The following ANK3 variants were observed in gnomAD, a reference collection of about 807,000 sequenced individuals.
ANK3 encodes ankyrin 3.
ANK3 carries 57 observed loss-of-function variants against 370.9 expected under a neutral mutation model. The observed-to-expected ratio is 0.15, with a 90% CI of 0.12 to 0.19. ANK3 has a LOEUF of 0.19. Among genes scored for constraint, ANK3 ranks in the 10% least tolerant of loss-of-function variants. The pLI is 1.00. For missense variants in ANK3, 4,439 were observed against 5,302.1 expected, an observed-to-expected ratio of 0.84 and a Z score of 5.06; for synonymous variants, 1,929 against 1,946.3, an observed-to-expected ratio of 0.99 and a Z score of 0.23.
intron 2 of ANK3, among the ~76,000 whole-genome samples, chr10:60,418,170 A>G (rs2063707784): frequency 6.6e-6 from 1 of 152,128 alleles, no homozygotes; most frequent in Non-Finnish European, 1.5e-5. Context: ...GCCTCCTGAT[A>G]TGCACTGTCC....
rs140815715 is a variant in ANK3 at position 60,368,310 on chromosome 10, C to G, written c.114+21115G>C. On this transcript the variant is annotated intron_variant, in intron 1 of 43. Coordinates refer to ENST00000280772, the MANE Select transcript of ANK3 (RefSeq NM_020987.5). ...CTACCATGAGATCCAAATGACGGAG[C>G]TTCACATTTCATGCAACGGCACATA... Among the ~76,000 whole-genome samples, 363 of 152,104 alleles carry G rather than the reference C, an allele frequency of 2.4e-3. 3 individuals are homozygous for G. The highest frequency in any genetic ancestry group is 0.02 in the Middle Eastern group (6 of 294).
rs767114970 is a variant in ANK3, at chr10:60,042,686, C to T, written c.*5G>A. The T allele has an allele frequency of 6.8e-6, 11 of 1,613,892 alleles. No homozygotes were observed. Among genetic ancestry groups the T allele is most frequent in the African/African-American group, 4.0e-5 (3 of 74,916 alleles). On this transcript the variant is annotated 3_prime_UTR_variant, in exon 43 of 44. Transcript: ENST00000280772. ...ACACACCTCACCTTGACTGACCGTTCGCTGTTACGAGTGGCTCTTCTTTTC... is the reference window on the plus strand; with the variant it reads ...ACACACCTCACCTTGACTGACCGTTTGCTGTTACGAGTGGCTCTTCTTTTC...
At chr10:60,096,090 T>C (rs112744953) in intron 28 of ANK3, among the ~76,000 whole-genome samples, 5,627 of 152,122 alleles carry the variant, frequency 0.037, 166 homozygotes, top group Non-Finnish European at 0.058. Context: ...GGAGAATCAC[T>C]AGAACCCGGG....
chr10:60,339,513 T>A (rs10821730), intron 1 of ANK3, among the ~76,000 whole-genome samples: 106,178 of 152,074 alleles, frequency 0.7, 38,332 homozygotes, highest in South Asian at 0.91. Flanking sequence ...GTATGTGTTA[T>A]CAGAAAAATA....
intron 1 of ANK3, among the ~76,000 whole-genome samples, chr10:60,355,447 T>A (rs950429353): frequency 2.6e-5 from 4 of 152,182 alleles, no homozygotes; most frequent in African/African-American, 9.6e-5. Flanking sequence ...CCACTAGTTT[T>A]TATTGGATTG....
intron 7 of ANK3, among the ~76,000 whole-genome samples, chr10:60,242,610 T>G (rs1305562612): frequency 6.6e-6 from 1 of 152,184 alleles, no homozygotes; most frequent in Admixed American, 6.5e-5. Flanking sequence ...CTACACCCAC[T>G]TTCATGAGAG....
rs748672028 is a variant in ANK3, at chr10:60,071,953, G to A, written c.8928C>T (p.Pro2976=). The part of the protein sequence containing the change: ...DERRMLSSNI[P]DGFCEQSAFP... ...ATGCCGACTGTTCACAAAAACCATC[G>A]GGAATATTAGAAGACAGCATTCTCC... Residue 2976 remains proline, a synonymous_variant, in exon 37 of 44, where the codon CCC becomes CCT. Coordinates refer to ENST00000280772, the MANE Select transcript of ANK3 (RefSeq NM_020987.5). 6.2e-6 allele frequency: 10 copies of A among 1,613,904 alleles called. 1 individual carries two copies. Among genetic ancestry groups the A allele is most frequent in the East Asian group, 2.2e-5 (1 of 44,876 alleles).
At chr10:60,195,405 AAGG>A (rs1162499981) in intron 16 of ANK3, among the ~76,000 whole-genome samples, 2 of 151,828 alleles carry the variant, frequency 1.3e-5, no homozygotes, top group African/African-American at 2.4e-5. Flanking sequence ...AAAAAAAAAA[AAGG>A]AGAAGGATCA....
Position 60,070,766 on chromosome 10 carries a change from C to T in ANK3, c.10115G>A (p.Gly3372Asp). The T allele has an allele frequency of 6.2e-7, 1 of 1,614,150 alleles. No homozygotes were observed. Among genetic ancestry groups the T allele is most frequent in the East Asian group, 2.2e-5 (1 of 44,872 alleles). ...ATTCTGAGGTGAATCAAGGCCAAGGCCAAATTCATTATCTTTTCCAGATCC... is the reference window on the plus strand; with the variant it reads ...ATTCTGAGGTGAATCAAGGCCAAGGTCAAATTCATTATCTTTTCCAGATCC... ...SNGSGKDNEF[G>D]LGLDSPQNEI... Residue 3372 changes from glycine (G) to aspartate (D), a missense_variant, in exon 37 of 44, where the codon GGC becomes GAC. Gly to Asp is a moderately conservative substitution (Grantham distance 94, BLOSUM62 -1). This residue lies in a region of ANK3 where 1,601 missense variants were observed against 1,731.7 expected (regional missense o/e 0.92). Coordinates refer to ENST00000280772, the MANE Select transcript of ANK3 (RefSeq NM_020987.5). This position sits in a 1 kb window ranked among gnomAD's most constrained non-coding sequence, Gnocchi z 5.7.
intron 23 of ANK3, chr10:60,140,455 C>G: frequency 6.2e-7 from 1 of 1,609,402 alleles, no homozygotes; most frequent in Non-Finnish European, 8.5e-7. Context: ...CAAAACAGCT[C>G]AAGGAAACCA....
chr10:60,300,520 T>A, intron 1 of ANK3: 1 of 1,226,652 alleles, frequency 8.2e-7, no homozygotes. Context: ...AAATGGAGGG[T>A]GGGCGGGGCA....
chr10:60,494,510 T>A (rs1243128735), intron 2 of ANK3, among the ~76,000 whole-genome samples: 1 of 152,160 alleles, frequency 6.6e-6, no homozygotes, highest in Non-Finnish European at 1.5e-5. Flanking sequence ...TGATTAAGAA[T>A]AATAAAAATC....
chr10:60,642,418 G>T (rs2078647240), intron 1 of ANK3, among the ~76,000 whole-genome samples: 1 of 152,046 alleles, frequency 6.6e-6, no homozygotes, highest in South Asian at 2.1e-4. Flanking sequence ...TTAAGAAAAT[G>T]TGGCACATAT....
intron 1 of ANK3, among the ~76,000 whole-genome samples, chr10:60,356,686 T>C (rs1211429594): frequency 9.2e-5 from 14 of 152,160 alleles, no homozygotes; most frequent in Non-Finnish European, 1.5e-4. Context: ...CAAAAGTCCA[T>C]GTTTCCCAGA....
chr10:60,445,589 A>G (rs2064423358), intron 2 of ANK3, among the ~76,000 whole-genome samples: 1 of 151,948 alleles, frequency 6.6e-6, no homozygotes, highest in Non-Finnish European at 1.5e-5. Flanking sequence ...TGTAAACACC[A>G]TTTATATTTG....
At chr10:60,156,006 G>A (rs1007424088) in intron 23 of ANK3, among the ~76,000 whole-genome samples, 1 of 152,186 alleles carries the variant, frequency 6.6e-6, no homozygotes, top group Non-Finnish European at 1.5e-5. Flanking sequence ...TTTACCTTGT[G>A]ATTGTGTGAA....
chr10:60,644,741 AT>A (rs1440874778), intron 1 of ANK3, among the ~76,000 whole-genome samples: 1 of 151,702 alleles, frequency 6.6e-6, no homozygotes, highest in Non-Finnish European at 1.5e-5. Context: ...ACAGAAAAGT[AT>A]AATTGTGAGT....
chr10:60,321,472 C>G lies in ANK3; in HGVS notation c.115-41833G>C, dbSNP rs553795759. On this transcript the variant is annotated intron_variant, in intron 1 of 43. Transcript: ENST00000280772. The stretch of plus-strand genomic sequence containing the variant: ...ACATGTCTTGGAACTCACAGTATAG[C>G]CTGGGAGAAAGACAGGTAAATATAT... 1.7e-3 allele frequency among the ~76,000 whole-genome samples: 266 copies of G among 152,146 alleles called. 1 individual carries two copies. Among genetic ancestry groups the G allele is most frequent in the African/African-American group, 5.9e-3 (243 of 41,486 alleles).
rs751172576 is a variant in ANK3, at chr10:60,073,277, T to C, written c.7604A>G (p.His2535Arg). The C allele has an allele frequency of 8.7e-6, 14 of 1,614,128 alleles. No individual in the cohort carries two copies. In the East Asian group the frequency reaches 2.9e-4, roughly 33 times the overall value. Residue 2535 changes from histidine to arginine, a missense_variant, in exon 37 of 44, where the codon CAT (histidine) becomes CGT (arginine). His to Arg is a conservative substitution (Grantham distance 29). Around this residue, in one of 13 missense-constraint regions of ANK3, gnomAD observed 1,601 missense variants for 1,731.7 expected, o/e 0.92. Transcript: ENST00000280772. The stretch of plus-strand genomic sequence containing the variant: ...GTGCAACACTGTCACTTTATCAAAA[T>C]GCTCATCTTTAGACACTTTACCTAC... ...NGVGKVSKDE[H>R]FDKVTVLHYS...
Sources: allele counts gnomAD v4.1 joint callset (sites outside exome capture counted in the v4.1 genomes callset), GRCh38; gene constraint gnomAD v4.1.1; regional missense constraint gnomAD v4.1.1; non-coding constraint Gnocchi (gnomAD v3.1); transcripts MANE v1.5; gene names NCBI Gene and HGNC (gene_info 2026-07-23, HGNC 2026-07-21).